RAPGEF2: variants seen among roughly 807,000 people sequenced by gnomAD.
RAPGEF2 encodes Rap guanine nucleotide exchange factor 2.
A neutral mutation model predicts 186.7 loss-of-function variants in RAPGEF2; 54 were observed. The observed-to-expected ratio is 0.29, with a 90% CI of 0.23 to 0.36. The LOEUF is 0.36. RAPGEF2 is among the 10% of genes least tolerant of loss of function. RAPGEF2 has a pLI of 1.00. For synonymous variants in RAPGEF2, 712 were observed against 705.9 expected (o/e 1.01, Z -0.14); for missense variants, 1,532 against 2,045.0 (o/e 0.75, Z 4.84).
At chr4:159,325,905 G>T (rs867575715) in intron 11 of RAPGEF2, among the ~76,000 whole-genome samples, 9 of 152,136 alleles carry the variant, frequency 5.9e-5, no homozygotes, top group African/African-American at 2.2e-4. Context: ...CAACAGGGAA[G>T]AGTCCAATTC....
In RAPGEF2 at chr4:159,355,879, C is replaced by CGG; in HGVS notation, c.4678_4679insGG (p.Pro1560ArgfsTer66). 7 of 1,525,590 alleles carry CGG rather than the reference C, an allele frequency of 4.6e-6. No individual in the cohort carries two copies. Among genetic ancestry groups the CGG allele is most frequent in the Non-Finnish European group, 6.2e-6 (7 of 1,125,618 alleles). 94.5% of individuals were successfully genotyped at this position (1,525,590 alleles called of 1,614,324 possible). On this transcript the variant is annotated frameshift_variant, in exon 29 of 30. Coordinates refer to ENST00000691494, the MANE Select transcript of RAPGEF2 (RefSeq NM_001394067.2). LOFTEE classifies it high-confidence loss of function. ...ACGAAAGGAGGGCAGGTATCGAGAG[C>CGG]CCCCGCCCACCCCTCCCGGCTACAT...
intron 14 of RAPGEF2, 34 bp from the exon 15 acceptor site, chr4:159,331,596 T>C: frequency 6.2e-7 from 1 of 1,612,392 alleles, no homozygotes; most frequent in Non-Finnish European, 8.5e-7. Context: ...CAGCCTGTTC[T>C]TGAGTTGACA....
At position 159,353,826 on chromosome 4, in the gene RAPGEF2, C is replaced by A. The variant is rs764032421; in HGVS notation, c.4431C>A (p.Ser1477Arg). ...KYNRQNQSRE[S>R]LEQAQSRASW... ...ACAGGCAAAATCAAAGTAGAGAGAG[C>A]CTTGAACAAGCCCAGTCCCGAGCAA... is the stretch of plus-strand genomic sequence containing the variant. Residue 1477 changes from serine to arginine, a missense_variant, in exon 28 of 30, where the codon AGC becomes AGA. Transcript: ENST00000691494. The surrounding 1 kb of genome is among the most constrained non-coding windows in gnomAD (Gnocchi z 4.3). 2 of 1,614,142 alleles carry A rather than the reference C, an allele frequency of 1.2e-6. No individual in the cohort carries two copies. Among genetic ancestry groups the A allele is most frequent in the South Asian group, 1.1e-5 (1 of 91,078 alleles).
chr4:159,286,608 C>G (rs1372207365), intron 7 of RAPGEF2, among the ~76,000 whole-genome samples: 2 of 152,174 alleles, frequency 1.3e-5, no homozygotes, highest in Non-Finnish European at 1.5e-5. Context: ...CTTCTTACCT[C>G]TCATTGGACT....
chr4:159,346,872 C>T lies in RAPGEF2; in HGVS notation c.3586C>T (p.Gln1196Ter), dbSNP rs866030296. The change falls in exon 25 of 30, where the codon CAG becomes TAG. Residue 1196 changes from glutamine (Q) to a stop codon, truncating the protein, a stop_gained. Coordinates refer to ENST00000691494, the MANE Select transcript of RAPGEF2 (RefSeq NM_001394067.2). LOFTEE classifies it high-confidence loss of function. ...APRAGSQQKA[Q>*]SLPQPQQQPP... ...AAGGGCAGGGTCACAACAGAAAGCT[C>T]AGTCCCTGCCACAGCCCCAGCAGCA... 1 of 1,614,048 alleles carries T rather than the reference C, an allele frequency of 6.2e-7. No individual in the cohort carries two copies. Among genetic ancestry groups the T allele is most frequent in the Non-Finnish European group, 8.5e-7 (1 of 1,180,008 alleles).
intron 21 of RAPGEF2, 31 bp from the exon 22 acceptor site, chr4:159,343,250 T>C: frequency 6.2e-7 from 1 of 1,614,096 alleles, no homozygotes; most frequent in Non-Finnish European, 8.5e-7. Flanking sequence ...AAATGCCATG[T>C]GATTTCCTTT....
chr4:159,121,063 C>T (rs1313394187), intron 1 of RAPGEF2, among the ~76,000 whole-genome samples: 3 of 152,064 alleles, frequency 2.0e-5, no homozygotes, highest in African/African-American at 7.2e-5. Flanking sequence ...CCGTGTTGGC[C>T]AGGTTGATCT....
rs968199677 is a variant in RAPGEF2, at chr4:159,314,559, A to T, written c.676-32A>T. 4 of 1,564,706 alleles carry T rather than the reference A, an allele frequency of 2.6e-6. No homozygotes were observed. In the African/African-American group the frequency reaches 5.6e-5, roughly 22 times the overall value. On this transcript the variant is annotated intron_variant, in intron 8 of 29. Coordinates refer to ENST00000691494, the MANE Select transcript of RAPGEF2 (RefSeq NM_001394067.2). ...GGCCCCAAAGATTTATTTACTTAAAATAGTTTTTAATTTTTGTGTGTGTGT... is the reference window on the plus strand; with the variant it reads ...GGCCCCAAAGATTTATTTACTTAAATTAGTTTTTAATTTTTGTGTGTGTGT...
rs569050839 is a variant in RAPGEF2 at position 159,116,879 on chromosome 4, A to G, written c.69+12648A>G. On this transcript the variant is annotated intron_variant, in intron 1 of 29. Transcript: ENST00000691494. ...GAACACATGGACACTGGGGCCTGTC[A>G]GTGTTGGGGGAGGGAGAGCATCAGG... is the stretch of plus-strand genomic sequence containing the variant. Among the ~76,000 whole-genome samples, 7 of 152,220 alleles carry G rather than the reference A, an allele frequency of 4.6e-5. No individual in the cohort carries two copies. In the East Asian group the frequency reaches 1.4e-3, roughly 29 times the overall value.
chr4:159,354,275 T>C (rs935398161), intron 28 of RAPGEF2, among the ~76,000 whole-genome samples: 3 of 152,246 alleles, frequency 2.0e-5, no homozygotes, highest in Non-Finnish European at 2.9e-5. Context: ...AAACATTCAA[T>C]AAATCTTAGC....
intron 1 of RAPGEF2, among the ~76,000 whole-genome samples, chr4:159,160,213 T>G (rs978143192): frequency 9.2e-5 from 14 of 152,256 alleles, no homozygotes; most frequent in South Asian, 6.2e-4. Flanking sequence ...CTGATTCCCA[T>G]TCTTTCCTAT....
intron 19 of RAPGEF2, among the ~76,000 whole-genome samples, chr4:159,340,182 C>A (rs1428509868): frequency 6.6e-6 from 1 of 152,088 alleles, no homozygotes; most frequent in African/African-American, 2.4e-5. Flanking sequence ...CTGTATTTGA[C>A]TTTTTCATGT....
intron 7 of RAPGEF2, among the ~76,000 whole-genome samples, chr4:159,296,409 T>G (rs1358089371): frequency 6.6e-6 from 1 of 152,216 alleles, no homozygotes; most frequent in Non-Finnish European, 1.5e-5. Context: ...AGTAATTTGA[T>G]CTAAATAGCC....
chr4:159,181,413 A>C (rs773125265), intron 1 of RAPGEF2, among the ~76,000 whole-genome samples: 10 of 151,970 alleles, frequency 6.6e-5, no homozygotes, highest in Non-Finnish European at 1.2e-4. Context: ...TATTTGCTTG[A>C]TGGTTAAATG....
chr4:159,166,853 A>G (rs143830443), intron 1 of RAPGEF2, among the ~76,000 whole-genome samples: 1 of 152,232 alleles, frequency 6.6e-6, no homozygotes, highest in Non-Finnish European at 1.5e-5. Context: ...TGAGTTGCCC[A>G]TCAGGATGGA....
chr4:159,151,782 G>A (rs561036251), intron 1 of RAPGEF2, among the ~76,000 whole-genome samples: 2 of 152,122 alleles, frequency 1.3e-5, no homozygotes, highest in Admixed American at 6.6e-5. Flanking sequence ...GTGTTGGGGG[G>A]TGTCTGTTTA....
chr4:159,226,385 A>C (rs1327750812), intron 4 of RAPGEF2, among the ~76,000 whole-genome samples: 1 of 152,122 alleles, frequency 6.6e-6, no homozygotes, highest in Non-Finnish European at 1.5e-5. Context: ...CACCAATACC[A>C]CATTTGTGTA....
intron 1 of RAPGEF2, 135 bp downstream of exon 1, chr4:159,104,366 A>G (rs1225771933): frequency 2.3e-6 from 1 of 433,984 alleles, no homozygotes; most frequent in Non-Finnish European, 4.3e-6. Flanking sequence ...CCCAACTTCC[A>G]AAGGCATCCC....
At chr4:159,179,613 G>A (rs1278753929) in intron 1 of RAPGEF2, among the ~76,000 whole-genome samples, 2 of 152,124 alleles carry the variant, frequency 1.3e-5, no homozygotes, top group Non-Finnish European at 1.5e-5. Context: ...TTTGCTGGTA[G>A]AGGCAATTCC....
Sources: gnomAD v4.1 joint callset for allele counts (sites outside exome capture counted in the v4.1 genomes callset) on GRCh38, gnomAD v4.1.1 for gene constraint, Gnocchi (gnomAD v3.1) non-coding constraint, MANE v1.5 for transcripts, NCBI Gene and HGNC (gene_info 2026-07-23, HGNC 2026-07-21) for gene names.